The following CALN1 variants were observed in gnomAD, a reference collection of about 807,000 sequenced individuals.
CALN1 encodes calcium-binding protein 8.
In CALN1, 17 loss-of-function variants were observed where a neutral mutation model predicts 30.6. The observed-to-expected ratio is 0.56, with a 90% CI of 0.38 to 0.83. CALN1 has a LOEUF of 0.83. Ranked by LOEUF, CALN1 falls within the 40% of genes least tolerant of loss-of-function variation. The probability of loss-of-function intolerance (pLI) is 0.00; values close to 1 mark genes in which losing one functional copy is unlikely to be tolerated. For missense variants in CALN1, 291 were observed against 354.9 expected (o/e 0.82, Z 1.45); for synonymous variants, 156 against 131.4 (o/e 1.19, Z -1.28).
At chr7:72,429,617 A>G (rs1166283770) in intron 1 of CALN1, among the ~76,000 whole-genome samples, 1 of 151,898 alleles carries the variant, frequency 6.6e-6, no homozygotes, top group Admixed American at 6.6e-5. Flanking sequence ...CTGAAACTCA[A>G]TGTCATCATT....
intron 5 of CALN1, among the ~76,000 whole-genome samples, chr7:71,998,391 A>C (rs1799357775): frequency 6.6e-6 from 1 of 152,082 alleles, no homozygotes; most frequent in Admixed American, 6.6e-5. Context: ...ATTATATTTA[A>C]TGATTGAGAC....
chr7:71,842,090 C>T lies in CALN1; in HGVS notation c.502-31598G>A, dbSNP rs114071070. On this transcript the variant is annotated intron_variant, in intron 5 of 6. Transcript: ENST00000395275. Reference sequence around the variant, plus strand: ...TTTGTTACTGATTAGGAGAGAGAGACATATGGCTCATATCTCACATAGGGA... The same window carrying T: ...TTTGTTACTGATTAGGAGAGAGAGATATATGGCTCATATCTCACATAGGGA... Among the ~76,000 whole-genome samples the T allele has an allele frequency of 5.3e-3, 802 of 152,136 alleles. 7 individuals are homozygous for T. Among genetic ancestry groups the T allele is most frequent in the African/African-American group, 0.018 (755 of 41,510 alleles).
the CALN1 span, among the ~76,000 whole-genome samples, chr7:72,492,998 T>G: frequency 6.6e-6 from 1 of 152,170 alleles, no homozygotes. Context: ...TGAGATAGAA[T>G]TCACCCATTG....
At chr7:72,468,466 A>C in the CALN1 span, among the ~76,000 whole-genome samples, 1 of 152,182 alleles carries the variant, frequency 6.6e-6, no homozygotes, top group East Asian at 1.9e-4. Context: ...GGCATGTGCC[A>C]ACACTACCGG....
intron 2 of CALN1, among the ~76,000 whole-genome samples, chr7:72,333,501 G>A (rs1278564884): frequency 6.6e-6 from 1 of 152,104 alleles, no homozygotes; most frequent in Non-Finnish European, 1.5e-5. Context: ...CCAATGTTCT[G>A]CTAATCTTGA....
intron 4 of CALN1, among the ~76,000 whole-genome samples, chr7:72,057,383 C>CTTTTTTTTTTTTTTTTTTTTTTT (rs60838093): frequency 2.9e-5 from 3 of 101,886 alleles, no homozygotes; most frequent in South Asian, 3.3e-4. Flanking sequence ...TTTAAATGTT[C>CTTTTTTTTTTTTTTTTTTTTTTT]TTTTTTTTTT....
At chr7:72,249,946 CAAAAA>C (rs386410444) in intron 3 of CALN1, among the ~76,000 whole-genome samples, 2 of 117,278 alleles carry the variant, frequency 1.7e-5, no homozygotes, top group Admixed American at 1.9e-4. Context: ...CAAAACAAAC[CAAAAA>C]AAAAAAAAAG....
chr7:72,379,206 T>C (rs1478801993), intron 2 of CALN1, among the ~76,000 whole-genome samples: 2 of 152,164 alleles, frequency 1.3e-5, no homozygotes, highest in Non-Finnish European at 2.9e-5. Context: ...CACAGCTCAC[T>C]ACAACCTCTA....
Position 72,217,944 on chromosome 7 carries a change from G to A in CALN1, c.244+60742C>T, listed in dbSNP as rs373866169. 2.7e-3 allele frequency among the ~76,000 whole-genome samples: 355 copies of A among 131,380 alleles called. 3 individuals carry two copies. The highest frequency in any genetic ancestry group is 0.023 in the Middle Eastern group (5 of 218). The allele number at this position is 131,380 out of a possible 152,430, so 86.2% of individuals were successfully genotyped here. The stretch of plus-strand genomic sequence containing the variant: ...TGCAAGCTCCACCTCCCAGCTTCAC[G>A]CCATTCTCCTGCCTCAGCCTCCCGA... On this transcript the variant is annotated intron_variant, in intron 3 of 6. Coordinates refer to ENST00000395275, the MANE Select transcript of CALN1 (RefSeq NM_031468.4).
chr7:72,261,493 T>G (rs956072388), intron 3 of CALN1, among the ~76,000 whole-genome samples: 47 of 151,904 alleles, frequency 3.1e-4, no homozygotes, highest in African/African-American at 1.1e-3. Flanking sequence ...AGTGCGATCA[T>G]AGCTCACTGC....
intron 2 of CALN1, among the ~76,000 whole-genome samples, chr7:72,400,613 T>C (rs1480368610): frequency 6.6e-6 from 1 of 152,206 alleles, no homozygotes; most frequent in South Asian, 2.1e-4. Flanking sequence ...TTCAAGCCTA[T>C]AATCCCAGCA....
At chr7:72,257,374 C>T (rs145646224) in intron 3 of CALN1, among the ~76,000 whole-genome samples, 2 of 152,088 alleles carry the variant, frequency 1.3e-5, no homozygotes, top group African/African-American at 4.8e-5. Context: ...CTGTTTAAAA[C>T]TTGCCCAAGG....
the CALN1 span, among the ~76,000 whole-genome samples, chr7:72,475,029 C>A: frequency 3.9e-5 from 6 of 152,238 alleles, no homozygotes; most frequent in Admixed American, 3.3e-4. Flanking sequence ...AGTATCTAAA[C>A]ATAGCAATTA....
At chr7:72,437,769 TCTTTCCTTCCTCCCTTCCTTC>T (rs1554408360) in intron 1 of CALN1, among the ~76,000 whole-genome samples, 2 of 138,900 alleles carry the variant, frequency 1.4e-5, no homozygotes, top group African/African-American at 2.7e-5. Flanking sequence ...CTTCCTTCTT[TCTTTCCTTCCTCCCTTCCTTC>T]CTTTCCTTCC....
the CALN1 span, among the ~76,000 whole-genome samples, chr7:72,501,948 T>TATATATATATATATATATAC: frequency 1.2e-4 from 9 of 72,366 alleles, no homozygotes; most frequent in African/African-American, 6.6e-4. Context: ...TATATATATA[T>TATATATATATATATATATAC]ACACACATAT....
At chr7:71,891,957 TA>T (rs61692856) in intron 5 of CALN1, among the ~76,000 whole-genome samples, 18,676 of 101,800 alleles carry the variant, frequency 0.18, 1,698 homozygotes, top group East Asian at 0.49. Context: ...AATAAATAAA[TA>T]AAAAAAAAAA....
Position 72,135,822 on chromosome 7 carries a change from G to A in CALN1, c.245-29528C>T, listed in dbSNP as rs1809470940. Among the ~76,000 whole-genome samples, 3 of 152,202 alleles carry A rather than the reference G, an allele frequency of 2.0e-5. No homozygotes were observed. In the South Asian group the frequency reaches 6.2e-4, roughly 32 times the overall value. On this transcript the variant is annotated intron_variant, in intron 3 of 6. Coordinates refer to ENST00000395275, the MANE Select transcript of CALN1 (RefSeq NM_031468.4). ...TACCCAGCTATGAAAGTCCTAGATG[G>A]CATCTTATTCCAATAGAAGGTTGTT... is the stretch of plus-strand genomic sequence containing the variant.
chr7:71,819,961 T>A (rs1788497688), intron 5 of CALN1, among the ~76,000 whole-genome samples: 1 of 152,172 alleles, frequency 6.6e-6, no homozygotes, highest in African/African-American at 2.4e-5. Context: ...CTTCAGGCTA[T>A]GATGGGAAGG....
At chr7:71,827,820 C>T (rs980693597) in intron 5 of CALN1, among the ~76,000 whole-genome samples, 1 of 130,324 alleles carries the variant, frequency 7.7e-6, no homozygotes, top group African/African-American at 3.1e-5. Flanking sequence ...ATAAGGACTC[C>T]AGGGAAAGTC....
Sources: gnomAD v4.1 joint callset for allele counts (sites outside exome capture counted in the v4.1 genomes callset) on GRCh38, gnomAD v4.1.1 for gene constraint, MANE v1.5 for transcripts, NCBI Gene and HGNC (gene_info 2026-07-23, HGNC 2026-07-21) for gene names.